The following RSPO4 variants were observed in gnomAD, a reference collection of about 807,000 sequenced individuals.
The protein encoded by RSPO4 is R-spondin 4.
RSPO4 carries 23 observed loss-of-function variants against 24.8 expected under a neutral mutation model. That is an observed-to-expected ratio of 0.93 (90% confidence interval 0.67 to 1.31). RSPO4 has a LOEUF of 1.31. Ranked by LOEUF, RSPO4 falls within the 40% of genes most tolerant of loss-of-function variation. The pLI is 0.00. For synonymous variants in RSPO4, 141 were observed against 127.4 expected, an observed-to-expected ratio of 1.11 and a Z score of -0.72; for missense variants, 333 against 316.5, an observed-to-expected ratio of 1.05 and a Z score of -0.39.
At chr20:975,565 T>C (rs1033193628) in intron 1 of RSPO4, among the ~76,000 whole-genome samples, 4 of 152,154 alleles carry the variant, frequency 2.6e-5, no homozygotes, top group African/African-American at 4.8e-5. Flanking sequence ...GAGTCCAGAT[T>C]TGGATGTCCA....
intron 1 of RSPO4, among the ~76,000 whole-genome samples, chr20:982,522 C>T (rs1001506552): frequency 3.3e-5 from 5 of 152,208 alleles, no homozygotes; most frequent in African/African-American, 1.2e-4. Context: ...AGGCACTGTG[C>T]TTGGCTGCTG....
At chr20:967,091 C>T in intron 3 of RSPO4, 83 bp downstream of exon 3, 2 of 1,403,944 alleles carry the variant, frequency 1.4e-6, no homozygotes, top group Non-Finnish European at 2.0e-6. Flanking sequence ...GTAATTTCTT[C>T]CAGGGCCCCT....
chr20:982,254 A>C (rs1485215266), intron 1 of RSPO4, among the ~76,000 whole-genome samples: 1 of 152,160 alleles, frequency 6.6e-6, no homozygotes. Context: ...AGCTGTCCTG[A>C]GCATGAAACT....
chr20:990,346 T>C (rs531780071), intron 1 of RSPO4, among the ~76,000 whole-genome samples: 1 of 152,254 alleles, frequency 6.6e-6, no homozygotes, highest in South Asian at 2.1e-4. Flanking sequence ...CTGGAACTGT[T>C]TGCATTGCAG....
chr20:963,459 T>A (rs1984070412), intron 4 of RSPO4, among the ~76,000 whole-genome samples: 1 of 152,166 alleles, frequency 6.6e-6, no homozygotes, highest in Non-Finnish European at 1.5e-5. Context: ...CTTGGGGCGC[T>A]GACCACGGCC....
intron 4 of RSPO4, among the ~76,000 whole-genome samples, chr20:963,335 G>A (rs143018604): frequency 2.9e-4 from 44 of 152,280 alleles, no homozygotes; most frequent in African/African-American, 8.9e-4. Flanking sequence ...TCCATTCACT[G>A]AAGATTCTAG....
At chr20:968,905 CT>C (rs1984320190) in intron 1 of RSPO4, among the ~76,000 whole-genome samples, 1 of 152,210 alleles carries the variant, frequency 6.6e-6, no homozygotes, top group Non-Finnish European at 1.5e-5. Flanking sequence ...GTGGAAAATG[CT>C]CTAGAATCTT....
At chr20:966,100 A>G (rs887262507) in intron 3 of RSPO4, among the ~76,000 whole-genome samples, 2 of 152,140 alleles carry the variant, frequency 1.3e-5, no homozygotes, top group Non-Finnish European at 2.9e-5. Flanking sequence ...GAAGGCACCC[A>G]GAGGGCAGTG....
chr20:1,001,747 C>T (rs1985470214), intron 1 of RSPO4, among the ~76,000 whole-genome samples: 1 of 152,202 alleles, frequency 6.6e-6, no homozygotes, highest in Non-Finnish European at 1.5e-5. Flanking sequence ...CTGAGTCTGT[C>T]TCCTAGTCCC....
rs1048124661 is a variant in RSPO4, at chr20:961,113, C to A, written c.596-647G>T. Among the ~76,000 whole-genome samples, 4 of 152,196 alleles carry A rather than the reference C, an allele frequency of 2.6e-5. No individual in the cohort carries two copies. In the South Asian group the frequency reaches 8.3e-4, roughly 32 times the overall value. ...TTCCTTTCTTTTTCTTCTTTATTTC[C>A]TTTATTCCTTCCACCTCCACTCTGG... On this transcript the variant is annotated intron_variant, in intron 4 of 4. Coordinates refer to ENST00000217260, the MANE Select transcript of RSPO4 (RefSeq NM_001029871.4).
At chr20:993,619 C>T (rs2122269684) in intron 1 of RSPO4, among the ~76,000 whole-genome samples, 1 of 152,194 alleles carries the variant, frequency 6.6e-6, no homozygotes, top group South Asian at 2.1e-4. Flanking sequence ...TGTGGGTAGC[C>T]TGGGAGGAGG....
chr20:979,821 C>T (rs1305081247), intron 1 of RSPO4, among the ~76,000 whole-genome samples: 2 of 152,140 alleles, frequency 1.3e-5, no homozygotes, highest in Non-Finnish European at 2.9e-5. Flanking sequence ...CCCTGTGATG[C>T]CCCCAGACCT....
intron 1 of RSPO4, among the ~76,000 whole-genome samples, chr20:979,396 G>T (rs557930197): frequency 1.3e-3 from 204 of 152,274 alleles, no homozygotes; most frequent in African/African-American, 4.9e-3. Context: ...AATTTGCCAC[G>T]TCAACTCCTG....
Position 964,095 on chromosome 20 carries a change from G to A in RSPO4, c.435C>T (p.Gly145=), listed in dbSNP as rs201319898. 44 of 1,613,092 alleles carry A rather than the reference G, an allele frequency of 2.7e-5. No homozygotes were observed. The highest frequency in any genetic ancestry group is 5.3e-5 in the African/African-American group (4 of 75,014). The part of the protein sequence containing the change: ...CQGECELGPW[G]GWSPCTHNGK... ...CATTGTGTGTGCAGGGGCTCCAGCC[G>A]CCCCAGGGACCCAGTTCACACTCCC... Residue 145 remains glycine, a synonymous_variant, in exon 4 of 5, where the codon GGC becomes GGT. Transcript: ENST00000217260.
At chr20:962,451 T>C (rs1424694837) in intron 4 of RSPO4, among the ~76,000 whole-genome samples, 2 of 152,186 alleles carry the variant, frequency 1.3e-5, no homozygotes, top group African/African-American at 2.4e-5. Context: ...GGGGAAAAGC[T>C]TTCCCCTCAT....
At chr20:987,399 C>T (rs1367919241) in intron 1 of RSPO4, among the ~76,000 whole-genome samples, 2 of 152,194 alleles carry the variant, frequency 1.3e-5, no homozygotes, top group Non-Finnish European at 2.9e-5. Context: ...AGAGGTAGGA[C>T]TCCAAGGTTT....
chr20:967,466 A>G (rs1454400314), intron 2 of RSPO4, 152 bp from the exon 3 acceptor site: 2 of 779,142 alleles, frequency 2.6e-6, no homozygotes, highest in Admixed American at 3.9e-5. Context: ...AGACTTGGCC[A>G]AGGTCAAACT....
At chr20:961,454 C>G (rs1012079886) in intron 4 of RSPO4, among the ~76,000 whole-genome samples, 1 of 152,206 alleles carries the variant, frequency 6.6e-6, no homozygotes, top group Non-Finnish European at 1.5e-5. Flanking sequence ...AACTATGTGC[C>G]CGTCTCCCCA....
chr20:994,804 T>C (rs558478985), intron 1 of RSPO4, among the ~76,000 whole-genome samples: 3 of 152,316 alleles, frequency 2.0e-5, no homozygotes, highest in African/African-American at 7.2e-5. Flanking sequence ...CCTCAGGTGA[T>C]CTGCCTGCCT....
Sources: allele counts gnomAD v4.1 joint callset (sites outside exome capture counted in the v4.1 genomes callset), GRCh38; gene constraint gnomAD v4.1.1; transcripts MANE v1.5; gene names NCBI Gene and HGNC (gene_info 2026-07-23, HGNC 2026-07-21).